The following SRSF1 variants were observed in gnomAD, a reference collection of about 807,000 sequenced individuals.
SRSF1 encodes serine and arginine rich splicing factor 1.
Under a neutral mutation model 25.9 loss-of-function variants are expected in SRSF1, and 1 was observed. That is an observed-to-expected ratio of 0.04 (90% CI 0.01 to 0.18). The LOEUF is 0.18. SRSF1 is among the 10% of genes least tolerant of loss of function. The probability of loss-of-function intolerance (pLI) is 1.00; values close to 1 mark genes in which losing one functional copy is unlikely to be tolerated. For missense variants in SRSF1, 65 were observed against 350.5 expected (o/e 0.19, Z 6.50); for synonymous variants, 132 against 126.2 (o/e 1.05, Z -0.31).
At chr17:57,991,351 A>C in the SRSF1 span, 1 of 152,230 alleles carries the variant, frequency 6.6e-6, no homozygotes, top group Non-Finnish European at 1.5e-5. Context: ...AGGAAAAGAA[A>C]GTATCTCTGC....
Position 58,000,926 on chromosome 17 carries a change from C to G in SRSF1, c.*4480G>C, listed in dbSNP as rs1271825504. ...GCAAAATGAAGGCAGCAATTCTGGT[C>G]AGGGTTCACATTTAATTAGCTCAAC... On this transcript the variant is annotated 3_prime_UTR_variant, in exon 4 of 4. Transcript: ENST00000258962. Among the ~76,000 whole-genome samples the G allele has an allele frequency of 6.6e-6, 1 of 152,140 alleles. No individual in the cohort carries two copies. The highest frequency in any genetic ancestry group is 1.5e-5 in the Non-Finnish European group (1 of 68,000).
chr17:57,989,072 GTC>G, the SRSF1 span: 1 of 396,934 alleles, frequency 2.5e-6, no homozygotes, highest in Non-Finnish European at 4.4e-6. Flanking sequence ...CTTTAGTACA[GTC>G]TGTTTCCTCC....
rs866344650 is a variant in SRSF1 at position 58,005,763 on chromosome 17, C to T, written c.552+38G>A. On this transcript the variant is annotated intron_variant, in intron 3 of 3. Coordinates refer to ENST00000258962, the MANE Select transcript of SRSF1 (RefSeq NM_006924.5). This position sits in a 1 kb window ranked among gnomAD's most constrained non-coding sequence, Gnocchi z 5.2. ...ATTCCACTGTTAAGACCACTGTATCCAATTCTGGTCAAAGAAAAGAATACG... is the reference window on the plus strand; with the variant it reads ...ATTCCACTGTTAAGACCACTGTATCTAATTCTGGTCAAAGAAAAGAATACG... 6.2e-7 allele frequency: 1 copy of T among 1,614,106 alleles called. No homozygotes were observed. Among genetic ancestry groups the T allele is most frequent in the South Asian group, 1.1e-5 (1 of 91,062 alleles).
Position 58,003,259 on chromosome 17 carries a change from C to T in SRSF1, c.*2147G>A, listed in dbSNP as rs1025517544. ...TTCAGATGCTAGATCCATCCCCCAC[C>T]GTCATTTACCAAGTTACATACACAA... On this transcript the variant is annotated 3_prime_UTR_variant, in exon 4 of 4. Coordinates refer to ENST00000258962, the MANE Select transcript of SRSF1 (RefSeq NM_006924.5). 12 of 152,176 alleles carry T rather than the reference C, an allele frequency of 7.9e-5. No individual in the cohort carries two copies. Among genetic ancestry groups the T allele is most frequent in the African/African-American group, 2.4e-4 (10 of 41,458 alleles). The allele number at this position is 152,176 out of a possible 1,614,324, so 9.4% of individuals were successfully genotyped here. A position where few individuals can be genotyped will look rare whatever the true frequency, so the allele number is the denominator to read the frequency against.
At chr17:57,995,908 C>T in the SRSF1 span, among the ~76,000 whole-genome samples, 1 of 152,042 alleles carries the variant, frequency 6.6e-6, no homozygotes, top group East Asian at 1.9e-4. Flanking sequence ...TTTAGGAAGC[C>T]AAGGTGGGAG....
chr17:58,001,295 CAT>C lies in SRSF1; in HGVS notation c.*4109_*4110del, dbSNP rs1311850420. 2.6e-5 allele frequency among the ~76,000 whole-genome samples: 4 copies of C among 152,182 alleles called. No individual in the cohort carries two copies. The East Asian group carries it at 7.7e-4, about 29-fold the overall frequency. On this transcript the variant is annotated 3_prime_UTR_variant, in exon 4 of 4. Coordinates refer to ENST00000258962, the MANE Select transcript of SRSF1 (RefSeq NM_006924.5). Reference sequence around the variant, plus strand: ...GAAAAGTTGAGATTCTACAATAAATCATATTAAACGCAAGCACTATGATGCAC... The same window carrying C: ...GAAAAGTTGAGATTCTACAATAAATCATTAAACGCAAGCACTATGATGCAC...
intron 2 of SRSF1, 122 bp from the exon 3 acceptor site, chr17:58,006,095 G>C (rs759269454): frequency 2.9e-6 from 3 of 1,019,040 alleles, no homozygotes; most frequent in African/African-American, 3.2e-5. Flanking sequence ...GTGATACCAG[G>C]TAAAGAGAGC....
At chr17:57,990,751 T>G in the SRSF1 span, 1 of 152,228 alleles carries the variant, frequency 6.6e-6, no homozygotes, top group South Asian at 2.1e-4. Context: ...TCAGCCATGA[T>G]GAATAAAGCA....
chr17:57,990,675 C>CA, the SRSF1 span: 1 of 152,270 alleles, frequency 6.6e-6, no homozygotes, highest in South Asian at 2.1e-4. Context: ...GACAGATGTC[C>CA]AAAGACAGCA....
At chr17:57,996,541 ACAAAG>A (rs1337952871), downstream of SRSF1, among the ~76,000 whole-genome samples, 6 of 151,664 alleles carry the variant, frequency 4.0e-5, no homozygotes, top group Non-Finnish European at 8.8e-5. Context: ...GCTGAAGAAA[ACAAAG>A]CATACACATT....
chr17:58,006,551 G>A (rs767357609), intron 1 of SRSF1, 24 bp from the exon 2 acceptor site: 23 of 1,597,020 alleles, frequency 1.4e-5, no homozygotes, highest in East Asian at 2.3e-5. Context: ...GAAAGTAAAA[G>A]GGATGAGAAA....
At position 58,002,493 on chromosome 17, in the gene SRSF1, T is replaced by C. The variant is rs559315650; in HGVS notation, c.*2913A>G. On this transcript the variant is annotated 3_prime_UTR_variant, in exon 4 of 4. Coordinates refer to ENST00000258962, the MANE Select transcript of SRSF1 (RefSeq NM_006924.5). ...AGGTCCCCTCCCCCAACCTAAATAG[T>C]ACCAAGGGGCTGTCAGTAGACAAAT... 6.6e-6 allele frequency among the ~76,000 whole-genome samples: 1 copy of C among 152,200 alleles called. No individual in the cohort carries two copies. The highest frequency in any genetic ancestry group is 2.4e-5 in the African/African-American group (1 of 41,444).
At chr17:57,997,462 A>G (rs375049849), downstream of SRSF1, among the ~76,000 whole-genome samples, 1 of 152,202 alleles carries the variant, frequency 6.6e-6, no homozygotes, top group Non-Finnish European at 1.5e-5. Context: ...GGGAAATATA[A>G]ATATATTCAG....
At position 58,005,358 on chromosome 17, in the gene SRSF1, G is replaced by A; in HGVS notation, c.*48C>T. ...AAATGAAAAGATTGTACTGAATAAA[G>A]GAAAACTGTATACAACATGGGTTCT... On this transcript the variant is annotated 3_prime_UTR_variant, in exon 4 of 4. Coordinates refer to ENST00000258962, the MANE Select transcript of SRSF1 (RefSeq NM_006924.5). The surrounding 1 kb of genome is among the most constrained non-coding windows in gnomAD (Gnocchi z 5.2). 3 of 1,596,728 alleles carry A rather than the reference G, an allele frequency of 1.9e-6. No individual in the cohort carries two copies. Among genetic ancestry groups the A allele is most frequent in the Non-Finnish European group, 2.6e-6 (3 of 1,166,558 alleles).
chr17:57,993,597 C>A, the SRSF1 span: 1 of 152,232 alleles, frequency 6.6e-6, no homozygotes, highest in Admixed American at 6.5e-5. Context: ...CCCTTGGTTG[C>A]CTGAGTAGTG....
downstream of SRSF1, among the ~76,000 whole-genome samples, chr17:57,998,557 T>A (rs900577711): frequency 6.6e-6 from 1 of 152,140 alleles, no homozygotes; most frequent in African/African-American, 2.4e-5. Context: ...GGCTTCAGAG[T>A]GCATCTTCAA....
chr17:57,990,097 A>G, the SRSF1 span: 1 of 214,782 alleles, frequency 4.7e-6, no homozygotes, highest in Non-Finnish European at 9.1e-6. Flanking sequence ...ATTGGTGAAA[A>G]TGAAGCTTCA....
At chr17:57,991,017 A>G in the SRSF1 span, 1 of 152,348 alleles carries the variant, frequency 6.6e-6, no homozygotes, top group South Asian at 2.1e-4. Flanking sequence ...TGTGAAATAA[A>G]TATTTTTATT....
downstream of SRSF1, among the ~76,000 whole-genome samples, chr17:57,996,396 A>G (rs2143440218): frequency 6.8e-6 from 1 of 146,626 alleles, no homozygotes; most frequent in East Asian, 2.1e-4. Context: ...AGGCAGGAGA[A>G]TCGCTTGAAC....
Sources: allele counts gnomAD v4.1 joint callset (sites outside exome capture counted in the v4.1 genomes callset), GRCh38; gene constraint gnomAD v4.1.1; non-coding constraint Gnocchi (gnomAD v3.1); transcripts MANE v1.5; gene names NCBI Gene and HGNC (gene_info 2026-07-23, HGNC 2026-07-21).